Variants in SMURF1 observed in about 807,000 individuals in gnomAD.
SMURF1 encodes SMAD specific E3 ubiquitin protein ligase 1.
SMURF1 carries 44 observed loss-of-function variants against 98.0 expected under a neutral mutation model. The observed-to-expected ratio is 0.45, with a 90% CI of 0.35 to 0.58. The LOEUF is 0.58. Among genes scored for constraint, SMURF1 ranks in the 20% least tolerant of loss-of-function variants. The pLI is 0.00. For missense variants in SMURF1, 687 were observed against 938.4 expected (o/e 0.73, Z 3.50); for synonymous variants, 396 against 374.9 (o/e 1.06, Z -0.65).
intron 1 of SMURF1, among the ~76,000 whole-genome samples, chr7:99,121,894 T>C (rs529140230): frequency 2.4e-4 from 37 of 152,306 alleles, no homozygotes; most frequent in African/African-American, 8.9e-4. Flanking sequence ...AACAGGACTC[T>C]CTGCAGGAAC....
intron 9 of SMURF1, chr7:99,048,280 T>G (rs1362268714): frequency 5.3e-6 from 1 of 187,956 alleles, no homozygotes; most frequent in Admixed American, 5.4e-5. Context: ...TCCCAGCTAC[T>G]CAGGAGGCTG....
intron 16 of SMURF1, chr7:99,035,300 T>C (rs1156959646): frequency 1.7e-6 from 1 of 605,688 alleles, no homozygotes. Context: ...CTGGAGTGGC[T>C]CCACAGTCTT....
intron 11 of SMURF1, among the ~76,000 whole-genome samples, chr7:99,043,632 G>A (rs894041498): frequency 6.6e-5 from 10 of 152,336 alleles, no homozygotes; most frequent in East Asian, 1.9e-4. Context: ...GAAAATGTGC[G>A]AAGAAATTAA....
chr7:99,127,413 C>T (rs1797770301), intron 1 of SMURF1, among the ~76,000 whole-genome samples: 1 of 152,026 alleles, frequency 6.6e-6, no homozygotes, highest in African/African-American at 2.4e-5. Context: ...AAAGCTCGGC[C>T]GGGCCTGGTG....
intron 1 of SMURF1, among the ~76,000 whole-genome samples, chr7:99,112,782 T>C (rs1744243075): frequency 6.6e-6 from 1 of 152,006 alleles, no homozygotes; most frequent in Non-Finnish European, 1.5e-5. Context: ...GAGAACAGTG[T>C]CTCAACAAAT....
chr7:99,045,555 A>G (rs1289217815), intron 11 of SMURF1, 143 bp downstream of exon 11: 10 of 638,234 alleles, frequency 1.6e-5, no homozygotes, highest in Non-Finnish European at 2.2e-5. Flanking sequence ...GGCTGAAGCC[A>G]GTGCATGATG....
chr7:99,127,506 A>G (rs983397840), intron 1 of SMURF1, among the ~76,000 whole-genome samples: 1 of 152,176 alleles, frequency 6.6e-6, no homozygotes, highest in South Asian at 2.1e-4. Flanking sequence ...AGCCTGGTCA[A>G]CATAGCAAGA....
At chr7:99,133,892 A>G (rs1477606328) in intron 1 of SMURF1, among the ~76,000 whole-genome samples, 1 of 152,232 alleles carries the variant, frequency 6.6e-6, no homozygotes, top group Non-Finnish European at 1.5e-5. Flanking sequence ...GAACAAAAGA[A>G]ACCAGTTGCA....
intron 1 of SMURF1, among the ~76,000 whole-genome samples, chr7:99,119,258 G>C (rs1225243458): frequency 6.6e-6 from 1 of 152,050 alleles, no homozygotes; most frequent in African/African-American, 2.4e-5. Context: ...TGCCTCTGGG[G>C]AAGAGAACTT....
intron 14 of SMURF1, among the ~76,000 whole-genome samples, chr7:99,037,658 C>G (rs927406610): frequency 2.0e-5 from 3 of 152,232 alleles, no homozygotes; most frequent in African/African-American, 7.2e-5. Flanking sequence ...ACCTTGGCAT[C>G]ACGTTAAAAA....
chr7:99,029,080 C>G lies in SMURF1; in HGVS notation c.*1504G>C, dbSNP rs1018066982. The G allele has an allele frequency of 2.0e-5, 3 of 152,666 alleles. No homozygotes were observed. The highest frequency in any genetic ancestry group is 7.2e-5 in the African/African-American group (3 of 41,444). 9.5% of individuals were successfully genotyped at this position (152,666 alleles called of 1,614,324 possible). A position where few individuals can be genotyped will look rare whatever the true frequency, so the allele number is the denominator to read the frequency against. On this transcript the variant is annotated 3_prime_UTR_variant, in exon 18 of 18. Transcript: ENST00000361368. ...TTTGGCAGCCCTTCTATTCTAGAACCTCAGCAGCCCAGAAATTAACAGTGA... is the reference window on the plus strand; with the variant it reads ...TTTGGCAGCCCTTCTATTCTAGAACGTCAGCAGCCCAGAAATTAACAGTGA...
At chr7:99,100,489 G>T (rs1332263861) in intron 1 of SMURF1, among the ~76,000 whole-genome samples, 1 of 152,176 alleles carries the variant, frequency 6.6e-6, no homozygotes, top group African/African-American at 2.4e-5. Flanking sequence ...TGGGGACAGA[G>T]GTTGCAGCGA....
chr7:99,113,256 G>C (rs774302751), intron 1 of SMURF1, among the ~76,000 whole-genome samples: 7 of 152,238 alleles, frequency 4.6e-5, no homozygotes, highest in Admixed American at 1.3e-4. Flanking sequence ...CAAAGACAAA[G>C]AGAGAATCCT....
intron 1 of SMURF1, among the ~76,000 whole-genome samples, chr7:99,140,206 T>G (rs537427319): frequency 3.5e-4 from 53 of 152,102 alleles, no homozygotes; most frequent in African/African-American, 1.2e-3. Context: ...GTCTCCTAAC[T>G]GTAAATCTAA....
intron 3 of SMURF1, among the ~76,000 whole-genome samples, chr7:99,059,206 C>G (rs1305605914): frequency 6.7e-6 from 1 of 150,180 alleles, no homozygotes; most frequent in Non-Finnish European, 1.5e-5. Flanking sequence ...GAGACCATCC[C>G]GGCTAAAACG....
In SMURF1 at chr7:99,042,167, G is replaced by A. The variant is rs1354399014; in HGVS notation, c.1322C>T (p.Thr441Met). 5.0e-6 allele frequency: 8 copies of A among 1,614,024 alleles called. No homozygotes were observed. Among genetic ancestry groups the A allele is most frequent in the Non-Finnish European group, 5.9e-6 (7 of 1,179,980 alleles). The change falls in exon 12 of 18, where the codon ACG becomes ATG. Residue 441 changes from threonine (T) to methionine (M), a missense_variant. By Grantham distance (81) the Thr-to-Met change is moderately conservative. Around this residue, in one of 2 missense-constraint regions of SMURF1, gnomAD observed 272 missense variants for 430.0 expected, o/e 0.63. Transcript: ENST00000361368. ...TATTTGCAACATGTAAATATTGTCCGTAGAATACTGGAAGAGCCCGTAATA... is the reference window on the plus strand; with the variant it reads ...TATTTGCAACATGTAAATATTGTCCATAGAATACTGGAAGAGCCCGTAATA... ...NPYYGLFQYSTDNIYMLQINP... is the reference protein window; with the variant it reads ...NPYYGLFQYSMDNIYMLQINP...
At chr7:99,053,183 T>C (rs1002141555) in intron 6 of SMURF1, among the ~76,000 whole-genome samples, 3 of 152,224 alleles carry the variant, frequency 2.0e-5, no homozygotes, top group Non-Finnish European at 4.4e-5. Flanking sequence ...CTTCACCCCC[T>C]GAGCAATTTT....
intron 1 of SMURF1, among the ~76,000 whole-genome samples, chr7:99,107,323 T>C (rs1317953549): frequency 6.6e-6 from 1 of 152,226 alleles, no homozygotes; most frequent in Non-Finnish European, 1.5e-5. Flanking sequence ...GGATGGATAC[T>C]CCATTCTCCA....
intron 16 of SMURF1, among the ~76,000 whole-genome samples, chr7:99,034,498 G>T (rs978024073): frequency 9.2e-5 from 14 of 151,880 alleles, no homozygotes; most frequent in African/African-American, 1.2e-4. Context: ...CACACCTCCT[G>T]TTTTTTTTCC....
Sources: gnomAD v4.1 joint callset for allele counts (sites outside exome capture counted in the v4.1 genomes callset) on GRCh38, gnomAD v4.1.1 for gene constraint, gnomAD v4.1.1 regional missense constraint, MANE v1.5 for transcripts, NCBI Gene and HGNC (gene_info 2026-07-23, HGNC 2026-07-21) for gene names.